Variants in ZNF254 observed in about 807,000 individuals in gnomAD.
ZNF254 encodes the protein CTD-2017D11.1.
A neutral mutation model predicts 12.4 loss-of-function variants in ZNF254; 10 were observed. The ratio of observed to expected loss-of-function variants is 0.80; its 90% CI spans 0.50 to 1.36. The LOEUF is 1.36. Among genes scored for constraint, ZNF254 ranks in the 40% most tolerant of loss-of-function variants. ZNF254 has a pLI of 0.00. For synonymous variants in ZNF254, 305 were observed against 253.4 expected (o/e 1.20, Z -1.93); for missense variants, 996 against 763.9 (o/e 1.30, Z -3.58).
At chr19:24,107,068 A>G (rs1973390902) in intron 3 of ZNF254, 1 of 443,454 alleles carries the variant, frequency 2.3e-6, no homozygotes, top group Admixed American at 4.2e-5. Flanking sequence ...TTTTTGGTTT[A>G]TTTTTCTGCA....
At chr19:24,087,631 G>A (rs1972108752) in intron 1 of ZNF254, among the ~76,000 whole-genome samples, 1 of 152,208 alleles carries the variant, frequency 6.6e-6, no homozygotes, top group Non-Finnish European at 1.5e-5. Context: ...AGGGTCGTCA[G>A]GGGAGAATCC....
chr19:24,046,735 T>C (rs1269517783), intron 2 of ZNF254, among the ~76,000 whole-genome samples: 1 of 152,018 alleles, frequency 6.6e-6, no homozygotes, highest in African/African-American at 2.4e-5. Flanking sequence ...GAGTGGCTTC[T>C]GAACATAAGG....
Position 24,126,316 on chromosome 19 carries a change from A to G in ZNF254, c.316A>G (p.Lys106Glu). ...PEQGMEDSFQ[K>E]AILRRYGKYG... ...GCAGGGCATGGAAGATTCTTTTCAA[A>G]AAGCAATACTGAGAAGATATGGAAA... The change falls in exon 4 of 4, where the codon AAA becomes GAA. Residue 106 changes from lysine (K) to glutamate (E), a missense_variant. Transcript: ENST00000357002. 1 of 1,589,890 alleles carries G rather than the reference A, an allele frequency of 6.3e-7. No homozygotes were observed. Among genetic ancestry groups the G allele is most frequent in the African/African-American group, 1.3e-5 (1 of 74,098 alleles).
At chr19:24,095,385 A>T (rs1347459653) in intron 1 of ZNF254, among the ~76,000 whole-genome samples, 1 of 152,150 alleles carries the variant, frequency 6.6e-6, no homozygotes, top group Admixed American at 6.5e-5. Flanking sequence ...GTATCAGAAT[A>T]GTGCTGTTCT....
chr19:24,098,988 C>CTTTTTTTTTTTT lies in ZNF254; in HGVS notation c.31-6935_31-6924dup, dbSNP rs927108646. On this transcript the variant is annotated intron_variant, in intron 1 of 3. Coordinates refer to ENST00000357002, the MANE Select transcript of ZNF254 (RefSeq NM_203282.4). ...CTTCTTCTGCAGCTCAGGCTTCGCTCTTTTTTTTTTTTTTTTTTTTTTTTT... is the reference window on the plus strand; with the variant it reads ...CTTCTTCTGCAGCTCAGGCTTCGCTCTTTTTTTTTTTTTTTTTTTTTTTTTTTTTTTTTTTTT... 28 of 74,776 alleles carry CTTTTTTTTTTTT rather than the reference C, an allele frequency of 3.7e-4. 6 individuals carry two copies. Among genetic ancestry groups the CTTTTTTTTTTTT allele is most frequent in the African/African-American group, 1.3e-3 (20 of 15,452 alleles). The allele number at this position is 74,776 out of a possible 1,614,324, so 4.6% of individuals were successfully genotyped here.
chr19:24,101,914 G>T (rs1568457298), intron 1 of ZNF254, among the ~76,000 whole-genome samples: 1 of 152,138 alleles, frequency 6.6e-6, no homozygotes, highest in Non-Finnish European at 1.5e-5. Context: ...AGCTGTCTTC[G>T]GTTGGTACCC....
intron 1 of ZNF254, among the ~76,000 whole-genome samples, chr19:24,033,809 C>G (rs1031921701): frequency 6.6e-6 from 1 of 152,206 alleles, no homozygotes; most frequent in Non-Finnish European, 1.5e-5. Context: ...CCCGTCCCTG[C>G]GGCGCCCAGT....
At chr19:24,038,116 C>T (rs1021941934) in intron 1 of ZNF254, among the ~76,000 whole-genome samples, 3 of 152,104 alleles carry the variant, frequency 2.0e-5, no homozygotes, top group Admixed American at 6.5e-5. Flanking sequence ...GCTAAATAGG[C>T]TTTTTGTCAG....
intron 2 of ZNF254, among the ~76,000 whole-genome samples, chr19:24,054,010 G>A (rs1381348007): frequency 2.0e-5 from 3 of 152,144 alleles, no homozygotes; most frequent in Non-Finnish European, 2.9e-5. Context: ...TGACCTAAAA[G>A]GTGACACTTC....
At chr19:24,059,124 TATTC>T (rs1970974824) in intron 2 of ZNF254, among the ~76,000 whole-genome samples, 1 of 152,242 alleles carries the variant, frequency 6.6e-6, no homozygotes, top group African/African-American at 2.4e-5. Context: ...CACTATAAAA[TATTC>T]ATGGCCCCAG....
At chr19:24,111,250 G>A (rs1438806752) in intron 3 of ZNF254, among the ~76,000 whole-genome samples, 1 of 151,904 alleles carries the variant, frequency 6.6e-6, no homozygotes, top group Non-Finnish European at 1.5e-5. Context: ...ATGATTTCCA[G>A]TTTCATCCAT....
intron 2 of ZNF254, among the ~76,000 whole-genome samples, chr19:24,049,214 A>ATATATTTTTTTTTTTTT (rs1160333151): frequency 2.4e-5 from 1 of 40,868 alleles, no homozygotes; most frequent in Non-Finnish European, 4.1e-5. Flanking sequence ...ATATATATAT[A>ATATATTTTTTTTTTTTT]TTTTTTTTTT....
In ZNF254 at chr19:24,106,235, T is replaced by C. The variant is rs191141373; in HGVS notation, c.157+169T>C. The C allele has an allele frequency of 6.7e-4, 618 of 926,742 alleles. 23 individuals carry two copies. In the Admixed American group the frequency reaches 0.021, roughly 31 times the overall value. 57.4% of individuals were successfully genotyped at this position (926,742 alleles called of 1,614,324 possible). On this transcript the variant is annotated intron_variant, in intron 2 of 3. Coordinates refer to ENST00000357002, the MANE Select transcript of ZNF254 (RefSeq NM_203282.4). ...AGATGTTTCATCTTGACCTGAACTT[T>C]CCACATTCCTGAGCTAATCTGTGTC...
At chr19:24,118,640 C>T (rs1974271700) in intron 3 of ZNF254, among the ~76,000 whole-genome samples, 1 of 151,976 alleles carries the variant, frequency 6.6e-6, no homozygotes, top group African/African-American at 2.4e-5. Context: ...TATTTTCACC[C>T]ATTTTCTAGG....
At chr19:24,073,009 G>C (rs562910087) in intron 2 of ZNF254, among the ~76,000 whole-genome samples, 3 of 152,320 alleles carry the variant, frequency 2.0e-5, no homozygotes, top group Non-Finnish European at 1.5e-5. Flanking sequence ...ACTGGCACTT[G>C]TAACTATACT....
At chr19:24,100,454 CAG>C (rs1333861645) in intron 1 of ZNF254, among the ~76,000 whole-genome samples, 3 of 151,046 alleles carry the variant, frequency 2.0e-5, no homozygotes, top group African/African-American at 7.3e-5. Flanking sequence ...TTATAAAACT[CAG>C]AGAGACATTA....
At chr19:24,121,924 C>A (rs1204035303) in intron 3 of ZNF254, among the ~76,000 whole-genome samples, 1 of 151,730 alleles carries the variant, frequency 6.6e-6, no homozygotes, top group African/African-American at 2.4e-5. Context: ...GTTTTCTAAT[C>A]CTTTGTAGAT....
chr19:24,082,239 C>T (rs1190126803), upstream of ZNF254, among the ~76,000 whole-genome samples: 2 of 151,670 alleles, frequency 1.3e-5, no homozygotes, highest in African/African-American at 4.8e-5. Context: ...AACATTGTAA[C>T]TATGGTAAAT....
rs962129345 is a variant in ZNF254 at position 24,048,521 on chromosome 19, A to G, written c.-94+2242A>G. Among the ~76,000 whole-genome samples the G allele has an allele frequency of 3.9e-5, 6 of 152,174 alleles. No homozygotes were observed. In the East Asian group the frequency reaches 5.8e-4, roughly 15 times the overall value. ...CGCTTAGGTCCACCAGAAAAGCTCA[A>G]TGATGGCTCACTGTGCCCTCCACCT... On this transcript the variant is annotated intron_variant, in intron 2 of 4. Coordinates refer to the ZNF254 transcript ENST00000613065.
Sources: gnomAD v4.1 joint callset for allele counts (sites outside exome capture counted in the v4.1 genomes callset) on GRCh38, gnomAD v4.1.1 for gene constraint, MANE v1.5 for transcripts, NCBI Gene and HGNC (gene_info 2026-07-23, HGNC 2026-07-21) for gene names.